ZNF326: variants seen among roughly 807,000 people sequenced by gnomAD.
ZNF326 encodes the protein DBIRD complex subunit ZNF326.
Under a neutral mutation model 63.1 loss-of-function variants are expected in ZNF326, and 30 were observed. That is an observed-to-expected ratio of 0.48 (90% CI 0.36 to 0.64). The LOEUF (loss-of-function observed/expected upper bound fraction) is 0.64, where lower values mean the gene tolerates loss of function less well. Among genes scored for constraint, ZNF326 ranks in the 30% least tolerant of loss-of-function variants. The pLI, the probability that ZNF326 is intolerant of heterozygous loss-of-function variation, is 0.00. For missense variants in ZNF326, 609 were observed against 720.3 expected, an observed-to-expected ratio of 0.85 and a Z score of 1.77; for synonymous variants, 194 against 228.2, an observed-to-expected ratio of 0.85 and a Z score of 1.35.
chr1:90,021,055 C>A, intron 10 of ZNF326, 133 bp downstream of exon 10: 1 of 950,706 alleles, frequency 1.1e-6, no homozygotes, highest in Non-Finnish European at 1.6e-6. Flanking sequence ...TGTAAGTATA[C>A]TCAGAGAGGC....
intron 11 of ZNF326, among the ~76,000 whole-genome samples, chr1:90,023,643 A>T (rs1221176943): frequency 6.6e-6 from 1 of 152,258 alleles, no homozygotes; most frequent in East Asian, 1.9e-4. Flanking sequence ...CTAAAGAAGG[A>T]AAAATTAGAT....
intron 9 of ZNF326, among the ~76,000 whole-genome samples, chr1:90,019,942 TA>T (rs1279358984): frequency 6.6e-6 from 1 of 152,146 alleles, no homozygotes; most frequent in Admixed American, 6.5e-5. Flanking sequence ...AGTTATATAC[TA>T]GGTACTTTTT....
At chr1:90,013,381 G>A (rs1264936402) in intron 7 of ZNF326, 144 bp downstream of exon 7, 1 of 617,174 alleles carries the variant, frequency 1.6e-6, no homozygotes, top group Non-Finnish European at 2.6e-6. Flanking sequence ...TTTGGTTTTT[G>A]ATATTTATAT....
At chr1:90,025,968 CTT>C (rs755399695) in intron 11 of ZNF326, among the ~76,000 whole-genome samples, 3 of 136,288 alleles carry the variant, frequency 2.2e-5, no homozygotes, top group Non-Finnish European at 1.6e-5. Flanking sequence ...TGTTCCTTCA[CTT>C]TTTTTTTTTT....
chr1:90,011,559 T>C (rs912903442), intron 6 of ZNF326, among the ~76,000 whole-genome samples: 17 of 149,350 alleles, frequency 1.1e-4, no homozygotes, highest in African/African-American at 3.7e-4. Context: ...TTAAATGTAT[T>C]ATAAGAAAGA....
At chr1:90,027,257 G>T in intron 11 of ZNF326, 97 bp from the exon 12 acceptor site, 8 of 1,111,910 alleles carry the variant, frequency 7.2e-6, no homozygotes, top group Non-Finnish European at 1.0e-5. Flanking sequence ...TTTCAAAATG[G>T]CATTTATTTC....
Position 90,029,534 on chromosome 1 carries a change from T to C in ZNF326, c.*1833T>C, listed in dbSNP as rs535416853. On this transcript the variant is annotated 3_prime_UTR_variant, in exon 12 of 12. Transcript: ENST00000340281. Reference sequence around the variant, plus strand: ...TATTTCTCCTTTATTTTTAAAAATATTTGTGGAAGGGCTAAGGTAAAAGAA... The same window carrying C: ...TATTTCTCCTTTATTTTTAAAAATACTTGTGGAAGGGCTAAGGTAAAAGAA... The C allele has an allele frequency of 6.6e-5, 10 of 152,274 alleles. No homozygotes were observed. In the East Asian group the frequency reaches 1.7e-3, roughly 26 times the overall value. 9.4% of individuals were successfully genotyped at this position (152,274 alleles called of 1,614,324 possible). A position where few individuals can be genotyped will look rare whatever the true frequency, so the allele number is the denominator to read the frequency against.
intron 11 of ZNF326, 139 bp from the exon 12 acceptor site, chr1:90,027,211 ATACT>A (rs1035290476): frequency 1.7e-5 from 13 of 767,352 alleles, no homozygotes; most frequent in Middle Eastern, 3.5e-4. Flanking sequence ...CAGTCAACAA[ATACT>A]TAATGAATTT....
intron 4 of ZNF326, among the ~76,000 whole-genome samples, chr1:90,006,873 ATCTC>A (rs1292135220): frequency 2.6e-5 from 4 of 152,224 alleles, no homozygotes; most frequent in Admixed American, 2.6e-4. Flanking sequence ...GTGCAAAAGG[ATCTC>A]TCTGTGTCAC....
intron 11 of ZNF326, among the ~76,000 whole-genome samples, chr1:90,023,961 G>A (rs1649890500): frequency 6.6e-6 from 1 of 152,128 alleles, no homozygotes; most frequent in Admixed American, 6.5e-5. Context: ...TCATACCCAG[G>A]CCTACTGAAT....
chr1:89,999,368 G>A (rs1393695001), intron 2 of ZNF326, among the ~76,000 whole-genome samples: 1 of 151,776 alleles, frequency 6.6e-6, no homozygotes, highest in Admixed American at 6.6e-5. Context: ...GGGGGAGAGG[G>A]AGAGAGTTTG....
In ZNF326 at chr1:90,028,548, G is replaced by C. The variant is rs992222610; in HGVS notation, c.*847G>C. On this transcript the variant is annotated 3_prime_UTR_variant, in exon 12 of 12. Transcript: ENST00000340281. ...TTGATACAAAGTTTTCTGTAGTTGTGTTAGTTCTTTTGTCATGTCTGTTTT... is the reference window on the plus strand; with the variant it reads ...TTGATACAAAGTTTTCTGTAGTTGTCTTAGTTCTTTTGTCATGTCTGTTTT... 6.6e-6 allele frequency: 1 copy of C among 152,098 alleles called. No homozygotes were observed. The highest frequency in any genetic ancestry group is 1.5e-5 in the Non-Finnish European group (1 of 68,014). The allele number at this position is 152,098 out of a possible 1,614,324, so 9.4% of individuals were successfully genotyped here. A position where few individuals can be genotyped will look rare whatever the true frequency, so the allele number is the denominator to read the frequency against.
At chr1:90,013,974 A>C (rs1305193800) in intron 7 of ZNF326, among the ~76,000 whole-genome samples, 1 of 152,080 alleles carries the variant, frequency 6.6e-6, no homozygotes, top group Non-Finnish European at 1.5e-5. Flanking sequence ...CTGAGGCGGG[A>C]CGATGGCGTG....
chr1:89,995,187 G>A lies in ZNF326; in HGVS notation c.-71G>A, dbSNP rs1351361240. 23 of 1,509,314 alleles carry A rather than the reference G, an allele frequency of 1.5e-5. No homozygotes were observed. Among genetic ancestry groups the A allele is most frequent in the Non-Finnish European group, 1.8e-5 (20 of 1,128,890 alleles). The allele number at this position is 1,509,314 out of a possible 1,614,324, so 93.5% of individuals were successfully genotyped here. ...CGCGGAGTGATCGTGTGGAATCGCG[G>A]GTCGCGGACGCTCGCCGCCGGCCAT... On this transcript the variant is annotated 5_prime_UTR_variant, in exon 1 of 12. Transcript: ENST00000340281.
intron 5 of ZNF326, among the ~76,000 whole-genome samples, chr1:90,008,355 T>G (rs1649087167): frequency 6.6e-6 from 1 of 152,220 alleles, no homozygotes; most frequent in Non-Finnish European, 1.5e-5. Context: ...AGTTGCTGGT[T>G]GTTTTATTTT....
In ZNF326 at chr1:90,017,403, A is replaced by G; in HGVS notation, c.1013A>G (p.Glu338Gly). ...CATCTGGAAAGTTCTTCACATCAGG[A>G]AACATTAGATCATATACAGAAACAA... ...ELHLESSSHQ[E>G]TLDHIQKQTK... The change falls in exon 8 of 12, where the codon GAA becomes GGA. Residue 338 changes from glutamate to glycine, a missense_variant. Around this residue, in one of 3 missense-constraint regions of ZNF326, gnomAD observed 399 missense variants for 444.3 expected, o/e 0.90. Transcript: ENST00000340281. 1 of 1,607,044 alleles carries G rather than the reference A, an allele frequency of 6.2e-7. No homozygotes were observed. Among genetic ancestry groups the G allele is most frequent in the Non-Finnish European group, 8.5e-7 (1 of 1,178,046 alleles).
intron 1 of ZNF326, among the ~76,000 whole-genome samples, chr1:89,997,452 C>T (rs1270409944): frequency 6.6e-6 from 1 of 152,064 alleles, no homozygotes; most frequent in Non-Finnish European, 1.5e-5. Flanking sequence ...TGGCTCACTG[C>T]AGCCTCTGCC....
intron 9 of ZNF326, among the ~76,000 whole-genome samples, chr1:90,020,369 G>C (rs966875584): frequency 6.6e-5 from 10 of 151,724 alleles, no homozygotes; most frequent in Non-Finnish European, 1.2e-4. Context: ...AATAAACCCC[G>C]GTCACCATTT....
chr1:90,004,166 CTT>C (rs1159934804), intron 2 of ZNF326, among the ~76,000 whole-genome samples: 2 of 151,372 alleles, frequency 1.3e-5, no homozygotes, highest in South Asian at 2.1e-4. Flanking sequence ...ATAAAATAGA[CTT>C]AATATGCTTA....
Sources: allele counts gnomAD v4.1 joint callset (sites outside exome capture counted in the v4.1 genomes callset), GRCh38; gene constraint gnomAD v4.1.1; regional missense constraint gnomAD v4.1.1; transcripts MANE v1.5; gene names NCBI Gene and HGNC (gene_info 2026-07-23, HGNC 2026-07-21).